KIAA1549: variants seen among roughly 807,000 people sequenced by gnomAD.
KIAA1549 encodes the protein KIAA1549.
A neutral mutation model predicts 156.4 loss-of-function variants in KIAA1549; 70 were observed. The observed-to-expected ratio is 0.45, with a 90% CI of 0.37 to 0.55. KIAA1549 has a LOEUF of 0.55. Ranked by LOEUF, KIAA1549 falls within the 20% of genes least tolerant of loss-of-function variation. KIAA1549 has a pLI of 0.00. For missense variants in KIAA1549, 2,428 were observed against 2,540.9 expected (o/e 0.96, Z 0.96); for synonymous variants, 1,103 against 1,066.4 (o/e 1.03, Z -0.67).
At chr7:138,980,318 G>T (rs1260530067) in intron 1 of KIAA1549, among the ~76,000 whole-genome samples, 1 of 152,170 alleles carries the variant, frequency 6.6e-6, no homozygotes, top group Non-Finnish European at 1.5e-5. Flanking sequence ...AGAAGCAATA[G>T]GAATTAAATC....
intron 1 of KIAA1549, among the ~76,000 whole-genome samples, chr7:138,966,274 T>C (rs549156046): frequency 6.6e-6 from 1 of 151,950 alleles, no homozygotes; most frequent in South Asian, 2.1e-4. Flanking sequence ...AAGAGGAAAT[T>C]TGCACGCACA....
chr7:138,943,744 G>T (rs927450981), intron 1 of KIAA1549, among the ~76,000 whole-genome samples: 1 of 152,078 alleles, frequency 6.6e-6, no homozygotes, highest in Non-Finnish European at 1.5e-5. Flanking sequence ...AGCTACTCGG[G>T]AGGCTGAGGC....
intron 15 of KIAA1549, among the ~76,000 whole-genome samples, chr7:138,862,699 G>C (rs1584711942): frequency 6.6e-6 from 1 of 152,190 alleles, no homozygotes; most frequent in African/African-American, 2.4e-5. Flanking sequence ...GGGAGGCCGA[G>C]ATGGGTGGAT....
At chr7:138,860,835 ACT>A (rs1303848132) in intron 16 of KIAA1549, among the ~76,000 whole-genome samples, 1 of 149,886 alleles carries the variant, frequency 6.7e-6, no homozygotes. Flanking sequence ...ATTCCGTGAC[ACT>A]GTTTTGAACC....
At chr7:138,858,179 G>A (rs1384539309) in intron 16 of KIAA1549, among the ~76,000 whole-genome samples, 1 of 151,692 alleles carries the variant, frequency 6.6e-6, no homozygotes, top group Non-Finnish European at 1.5e-5. Flanking sequence ...GGAGTGCAGT[G>A]GTGCAATCAT....
intron 1 of KIAA1549, among the ~76,000 whole-genome samples, chr7:138,962,282 A>T: frequency 6.6e-6 from 1 of 152,176 alleles, no homozygotes; most frequent in East Asian, 1.9e-4. Context: ...TTCTCAAGTA[A>T]TTGTATCTTT....
At chr7:138,855,677 A>G (rs1252904611) in intron 16 of KIAA1549, among the ~76,000 whole-genome samples, 3 of 152,202 alleles carry the variant, frequency 2.0e-5, no homozygotes, top group South Asian at 2.1e-4. Context: ...ATATTCATCA[A>G]TGAAACTCGA....
chr7:138,881,322 AACTC>A, intron 11 of KIAA1549, 62 bp downstream of exon 11: 1 of 1,490,328 alleles, frequency 6.7e-7, no homozygotes, highest in Non-Finnish European at 9.1e-7. Context: ...TGACATCAGA[AACTC>A]ACAGCCTGAT....
At chr7:138,924,704 G>A (rs1193558621) in intron 1 of KIAA1549, among the ~76,000 whole-genome samples, 2 of 152,018 alleles carry the variant, frequency 1.3e-5, no homozygotes, top group African/African-American at 2.4e-5. Flanking sequence ...GGGACAAAGC[G>A]GCTGCAGTGC....
chr7:138,845,193 T>C (rs1259741219), intron 17 of KIAA1549, among the ~76,000 whole-genome samples: 2 of 150,718 alleles, frequency 1.3e-5, no homozygotes, highest in East Asian at 2.0e-4. Flanking sequence ...CAAATGACAA[T>C]TAAACATATA....
chr7:138,912,945 G>A (rs1428547772), intron 2 of KIAA1549, among the ~76,000 whole-genome samples: 3 of 152,238 alleles, frequency 2.0e-5, no homozygotes, highest in East Asian at 1.9e-4. Flanking sequence ...CGCAATCTTG[G>A]CTCACTGTAA....
Position 138,967,686 on chromosome 7 carries a change from C to T in KIAA1549, c.187+13397G>A, listed in dbSNP as rs569427680. Among the ~76,000 whole-genome samples, 44 of 152,186 alleles carry T rather than the reference C, an allele frequency of 2.9e-4. 1 individual carries two copies. Among genetic ancestry groups the T allele is most frequent in the Middle Eastern group, 6.8e-3 (2 of 294 alleles). ...TCCCAGCCCATCCTCCATTAAACAGCTGTCCAGGAGAAAAAAAAACACTCA... is the reference window on the plus strand; with the variant it reads ...TCCCAGCCCATCCTCCATTAAACAGTTGTCCAGGAGAAAAAAAAACACTCA... On this transcript the variant is annotated intron_variant, in intron 1 of 19. Transcript: ENST00000422774.
intron 17 of KIAA1549, among the ~76,000 whole-genome samples, chr7:138,849,762 T>A (rs1810184588): frequency 6.6e-6 from 1 of 152,136 alleles, no homozygotes; most frequent in African/African-American, 2.4e-5. Context: ...TTCCTCTCTG[T>A]GTCCATGAGT....
In KIAA1549 at chr7:138,834,589, C is replaced by T. The variant is rs897753693; in HGVS notation, c.*3317G>A. On this transcript the variant is annotated 3_prime_UTR_variant, in exon 20 of 20. Coordinates refer to ENST00000422774, the MANE Select transcript of KIAA1549 (RefSeq NM_001164665.2). ...GCTGGGTTATTTGGTGCCAGAGACA[C>T]CAGAAAGTCGGGAGCAGAAAGATGC... 8.6e-6 allele frequency: 2 copies of T among 231,246 alleles called. No individual in the cohort carries two copies. Among genetic ancestry groups the T allele is most frequent in the Non-Finnish European group, 1.7e-5 (2 of 116,908 alleles). 14.3% of individuals were successfully genotyped at this position (231,246 alleles called of 1,614,324 possible).
intron 16 of KIAA1549, among the ~76,000 whole-genome samples, chr7:138,856,175 G>A (rs984293192): frequency 3.3e-5 from 5 of 151,638 alleles, no homozygotes; most frequent in Admixed American, 6.6e-5. Context: ...GGGACTACAG[G>A]TGCCCGCCAC....
Position 138,905,054 on chromosome 7 carries a change from G to T in KIAA1549, c.3488C>A (p.Ser1163Tyr). 1 of 1,577,460 alleles carries T rather than the reference G, an allele frequency of 6.3e-7. No homozygotes were observed. The highest frequency in any genetic ancestry group is 8.6e-7 in the Non-Finnish European group (1 of 1,160,174). Residue 1163 changes from serine to tyrosine, a missense_variant, in exon 7 of 20, where the codon TCT becomes TAT. Coordinates refer to ENST00000422774, the MANE Select transcript of KIAA1549 (RefSeq NM_001164665.2). ...GACCCAAGAGGACTTCAGCAACTGA[G>T]ATAAGTTGAGCTGTGGATACTGGAA... ...EPFQYPQLNL[S>Y]QLLKSSWVRT...
chr7:138,858,480 T>C (rs1224103911), intron 16 of KIAA1549, among the ~76,000 whole-genome samples: 1 of 152,188 alleles, frequency 6.6e-6, no homozygotes, highest in Non-Finnish European at 1.5e-5. Flanking sequence ...TTATTAATTT[T>C]ACCTTATTGA....
chr7:138,902,824 A>C (rs561813658), intron 8 of KIAA1549, among the ~76,000 whole-genome samples: 27 of 152,226 alleles, frequency 1.8e-4, no homozygotes, highest in Non-Finnish European at 3.8e-4. Context: ...AAAAGAAAGA[A>C]AGAAAAAAGC....
chr7:138,898,862 G>A (rs530081239), intron 9 of KIAA1549, 93 bp downstream of exon 9: 28 of 1,095,986 alleles, frequency 2.6e-5, no homozygotes, highest in Admixed American at 5.7e-5. Context: ...TACACACATC[G>A]GAATGCTTTA....
Sources: allele counts gnomAD v4.1 joint callset (sites outside exome capture counted in the v4.1 genomes callset), GRCh38; gene constraint gnomAD v4.1.1; transcripts MANE v1.5; gene names NCBI Gene and HGNC (gene_info 2026-07-23, HGNC 2026-07-21).